Variants in GCH1 observed in about 807,000 individuals in gnomAD.
GCH1 encodes GTP cyclohydrolase I.
In GCH1, 5 loss-of-function variants were observed where a neutral mutation model predicts 25.9. The ratio of observed to expected loss-of-function variants is 0.19; its 90% CI spans 0.10 to 0.41. The LOEUF is 0.41. Among genes scored for constraint, GCH1 ranks in the 10% least tolerant of loss-of-function variants. The pLI is 1.00. For missense variants in GCH1, 261 were observed against 336.5 expected (o/e 0.78, Z 1.75); for synonymous variants, 159 against 129.6 (o/e 1.23, Z -1.54).
At chr14:54,847,594 G>T (rs2039661755) in intron 3 of GCH1, among the ~76,000 whole-genome samples, 1 of 152,014 alleles carries the variant, frequency 6.6e-6, no homozygotes, top group African/African-American at 2.4e-5. Context: ...GGCTCTCCTT[G>T]CTCCTCAAGC....
rs964225589 is a variant in GCH1 at position 54,843,752 on chromosome 14, A to G, written c.*265T>C. The G allele has an allele frequency of 2.0e-5, 33 of 1,613,774 alleles. No individual in the cohort carries two copies. The highest frequency in any genetic ancestry group is 2.7e-5 in the African/African-American group (2 of 74,920). On this transcript the variant is annotated 3_prime_UTR_variant, in exon 6 of 6. Transcript: ENST00000491895. ...TCTCCCTTCCCAGGCCCCTCTGGTTATCTGGCAGTGGTTTTGTGCACGTAC... is the reference window on the plus strand; with the variant it reads ...TCTCCCTTCCCAGGCCCCTCTGGTTGTCTGGCAGTGGTTTTGTGCACGTAC...
At chr14:54,845,697 G>T in intron 5 of GCH1, 71 bp downstream of exon 5, 1 of 850,818 alleles carries the variant, frequency 1.2e-6, no homozygotes, top group South Asian at 1.3e-5. Flanking sequence ...TACAAAATAT[G>T]AGAAGCACTA....
intron 1 of GCH1, among the ~76,000 whole-genome samples, chr14:54,869,714 A>C (rs2040042011): frequency 6.6e-6 from 1 of 151,564 alleles, no homozygotes; most frequent in Admixed American, 6.6e-5. Flanking sequence ...TCCCGACCTC[A>C]GGTGACCCAC....
intron 1 of GCH1, among the ~76,000 whole-genome samples, chr14:54,872,093 G>C (rs901311998): frequency 8.5e-5 from 13 of 152,202 alleles, no homozygotes; most frequent in Non-Finnish European, 1.6e-4. Context: ...AGGGCAGCCA[G>C]AGAGAAAGGT....
chr14:54,852,572 A>G (rs2039748247), intron 3 of GCH1, among the ~76,000 whole-genome samples: 1 of 152,248 alleles, frequency 6.6e-6, no homozygotes, highest in Admixed American at 6.5e-5. Context: ...GGAAACTCAC[A>G]GATGTGGGAG....
chr14:54,859,748 A>G lies in GCH1; in HGVS notation c.454-12T>C. The G allele has an allele frequency of 6.5e-7, 1 of 1,535,808 alleles. No homozygotes were observed. Among genetic ancestry groups the G allele is most frequent in the Non-Finnish European group, 9.0e-7 (1 of 1,108,566 alleles). ...TAACCAATATGGACCTTCAGAGAAG[A>G]GACGGAAATCATTAGCTGAGTGAAA... On this transcript the variant is annotated splice_polypyrimidine_tract_variant and intron_variant, in intron 2 of 5. Transcript: ENST00000491895.
At chr14:54,889,717 G>T (rs1386360641) in intron 1 of GCH1, among the ~76,000 whole-genome samples, 2 of 152,206 alleles carry the variant, frequency 1.3e-5, no homozygotes, top group African/African-American at 4.8e-5. Context: ...ATTACAGGAG[G>T]AGGGCAGATA....
intron 1 of GCH1, among the ~76,000 whole-genome samples, chr14:54,895,061 T>TA (rs1487033184): frequency 1.3e-5 from 2 of 152,238 alleles, no homozygotes; most frequent in African/African-American, 4.8e-5. Flanking sequence ...TCTAATTTAA[T>TA]AAATCCGAGA....
At chr14:54,870,717 G>A (rs576100816) in intron 1 of GCH1, among the ~76,000 whole-genome samples, 5 of 152,274 alleles carry the variant, frequency 3.3e-5, no homozygotes, top group East Asian at 1.9e-4. Context: ...CGCTTGGCTC[G>A]GAGGGTCCTA....
At chr14:54,889,139 TAGGCCATCAGAG>T (rs1012024959) in intron 1 of GCH1, among the ~76,000 whole-genome samples, 2 of 152,186 alleles carry the variant, frequency 1.3e-5, no homozygotes, top group African/African-American at 4.8e-5. Context: ...TTCTTTTTGA[TAGGCCATCAGAG>T]AGGCATACCT....
At chr14:54,882,017 T>C (rs550276721) in intron 1 of GCH1, among the ~76,000 whole-genome samples, 4 of 152,208 alleles carry the variant, frequency 2.6e-5, no homozygotes, top group Non-Finnish European at 5.9e-5. Context: ...TACTAACATT[T>C]TGCTCCTCAT....
rs2039565187 is a variant in GCH1 at position 54,842,087 on chromosome 14, A to C, written c.*1930T>G. The C allele has an allele frequency of 6.6e-6, 1 of 152,232 alleles. No homozygotes were observed. The allele number at this position is 152,232 out of a possible 1,614,324, so 9.4% of individuals were successfully genotyped here. ...CATACATACTCATACATAAAATTAA[A>C]CAATTTAATTTTGAACAGTGTATTG... On this transcript the variant is annotated 3_prime_UTR_variant, in exon 6 of 6. Transcript: ENST00000491895.
At chr14:54,898,695 C>T (rs991423749) in intron 1 of GCH1, among the ~76,000 whole-genome samples, 1 of 152,208 alleles carries the variant, frequency 6.6e-6, no homozygotes. Context: ...TCTCGGCTCA[C>T]TGCAACCTCC....
intron 1 of GCH1, among the ~76,000 whole-genome samples, chr14:54,870,184 C>A (rs1173743626): frequency 1.3e-5 from 2 of 151,962 alleles, no homozygotes; most frequent in Non-Finnish European, 2.9e-5. Flanking sequence ...TAAGTGACAC[C>A]TTAATAAAGC....
intron 2 of GCH1, 44 bp downstream of exon 2, chr14:54,865,283 T>G (rs369337127): frequency 2.2e-6 from 2 of 910,264 alleles, no homozygotes; most frequent in African/African-American, 3.3e-5. Context: ...TGAAAAACTT[T>G]CACTATGTTT....
intron 3 of GCH1, chr14:54,859,171 G>T: frequency 5.8e-6 from 1 of 171,644 alleles, no homozygotes; most frequent in Non-Finnish European, 1.3e-5. Flanking sequence ...GCAGGGTTGA[G>T]GCTGGGGATC....
At chr14:54,885,608 AC>A in intron 1 of GCH1, 1 of 385,506 alleles carries the variant, frequency 2.6e-6, no homozygotes, top group Non-Finnish European at 5.0e-6. Flanking sequence ...AGCTTGCAGC[AC>A]AAGGTGCAGT....
intron 3 of GCH1, among the ~76,000 whole-genome samples, chr14:54,847,577 T>G (rs927058396): frequency 6.6e-6 from 1 of 152,182 alleles, no homozygotes; most frequent in Non-Finnish European, 1.5e-5. Flanking sequence ...GTTTTGAGAC[T>G]CAGACTGGCT....
At chr14:54,847,827 T>C (rs1461163042) in intron 3 of GCH1, among the ~76,000 whole-genome samples, 1 of 152,050 alleles carries the variant, frequency 6.6e-6, no homozygotes, top group Non-Finnish European at 1.5e-5. Flanking sequence ...CAGAGATGAG[T>C]AACAAAATTT....
Sources: gnomAD v4.1 joint callset for allele counts (sites outside exome capture counted in the v4.1 genomes callset) on GRCh38, gnomAD v4.1.1 for gene constraint, MANE v1.5 for transcripts, NCBI Gene and HGNC (gene_info 2026-07-23, HGNC 2026-07-21) for gene names.